CLCA2: variants seen among roughly 807,000 people sequenced by gnomAD.
CLCA2 encodes chloride channel accessory 2.
Under a neutral mutation model 82.9 loss-of-function variants are expected in CLCA2, and 85 were observed. The ratio of observed to expected loss-of-function variants is 1.03; its 90% confidence interval spans 0.86 to 1.23. The LOEUF is 1.23. Ranked by LOEUF, CLCA2 falls within the 50% of genes most tolerant of loss-of-function variation. The pLI is 0.00. For synonymous variants in CLCA2, 421 were observed against 391.7 expected (o/e 1.07, Z -0.88); for missense variants, 1,089 against 1,124.8 (o/e 0.97, Z 0.45).
intron 8 of CLCA2, among the ~76,000 whole-genome samples, chr1:86,440,769 C>T (rs961606449): frequency 2.6e-5 from 4 of 151,984 alleles, no homozygotes; most frequent in Admixed American, 1.3e-4. Flanking sequence ...AGCATGGTGG[C>T]GGGTCCCTAT....
At chr1:86,431,686 T>C (rs1662501081) in intron 4 of CLCA2, among the ~76,000 whole-genome samples, 1 of 152,208 alleles carries the variant, frequency 6.6e-6, no homozygotes, top group Non-Finnish European at 1.5e-5. Flanking sequence ...TTTCCCCTGA[T>C]ACCAAGTGGA....
Position 86,450,696 on chromosome 1 carries a change from G to A in CLCA2, c.2118G>A (p.Gly706=), listed in dbSNP as rs1278550724. Residue 706 remains glycine (G), a synonymous_variant, in exon 12 of 14, where the codon GGG becomes GGA. Transcript: ENST00000370565. ...GCACCCCAGCCCACTCTATTCCAGG[G>A]AGTCATGCTATGTATGTACCAGGTT... ...SISTPAHSIP[G]SHAMYVPGYT... 1 of 1,612,474 alleles carries A rather than the reference G, an allele frequency of 6.2e-7. No homozygotes were observed. The highest frequency in any genetic ancestry group is 8.5e-7 in the Non-Finnish European group (1 of 1,179,088).
At position 86,434,586 on chromosome 1, in the gene CLCA2, C is replaced by T; in HGVS notation, c.813C>T (p.Ser271=). The change falls in exon 6 of 14, where the codon AGC becomes AGT. Residue 271 remains serine, a synonymous_variant. Coordinates refer to ENST00000370565, the MANE Select transcript of CLCA2 (RefSeq NM_006536.7). The part of the protein sequence containing the change: ...EAPNLQNQMC[S]LRSAWDVITD... ...CAAACCTACAGAACCAGATGTGCAG[C>T]CTCAGAAGTGCATGGGATGTAATCA... The T allele has an allele frequency of 1.2e-6, 2 of 1,614,054 alleles. No individual in the cohort carries two copies. The highest frequency in any genetic ancestry group is 1.7e-6 in the Non-Finnish European group (2 of 1,179,994).
intron 12 of CLCA2, 23 bp from the exon 13 acceptor site, chr1:86,453,346 T>A (rs1558121130): frequency 1.3e-6 from 2 of 1,548,142 alleles, no homozygotes; most frequent in African/African-American, 1.4e-5. Flanking sequence ...TCATTTTGCC[T>A]TTTTTTTTCT....
In CLCA2 at chr1:86,428,574, T is replaced by A. The variant is rs1381103601; in HGVS notation, c.475+6T>A. 1 of 1,612,046 alleles carries A rather than the reference T, an allele frequency of 6.2e-7. No homozygotes were observed. The highest frequency in any genetic ancestry group is 8.5e-7 in the Non-Finnish European group (1 of 1,178,974). On this transcript the variant is annotated splice_donor_region_variant and intron_variant, in intron 3 of 13. Transcript: ENST00000370565. ...AGCTGGCTACGGATCACGAGGTAAGTGGGACCAATAAAACAATAGCCATTG... is the reference window on the plus strand; with the variant it reads ...AGCTGGCTACGGATCACGAGGTAAGAGGGACCAATAAAACAATAGCCATTG...
In CLCA2 at chr1:86,443,862, A is replaced by C. The variant is rs767698625; in HGVS notation, c.1564A>C (p.Asn522His). 3.1e-6 allele frequency: 5 copies of C among 1,614,112 alleles called. No homozygotes were observed. Among genetic ancestry groups the C allele is most frequent in the Non-Finnish European group, 4.2e-6 (5 of 1,179,960 alleles). The change falls in exon 10 of 14, where the codon AAC becomes CAC. Residue 522 changes from asparagine (N) to histidine (H), a missense_variant. Coordinates refer to ENST00000370565, the MANE Select transcript of CLCA2 (RefSeq NM_006536.7). ...AGTGACTGTGGATAATACTGTGGGC[A>C]ACGACACTATGTTTCTAGTTACGTG... Reference protein sequence around the residue: ...NTVTVDNTVGNDTMFLVTWQA... With the variant: ...NTVTVDNTVGHDTMFLVTWQA...
In CLCA2 at chr1:86,424,198, C is replaced by T; in HGVS notation, c.-50C>T. On this transcript the variant is annotated 5_prime_UTR_variant, in exon 1 of 14. Transcript: ENST00000370565. ...CTGCATCCATATTGAAAACCTGACA[C>T]AATGTATGCAGCAGGCTCAGTGTGA... 1 of 1,529,210 alleles carries T rather than the reference C, an allele frequency of 6.5e-7. No individual in the cohort carries two copies. Among genetic ancestry groups the T allele is most frequent in the Non-Finnish European group, 8.8e-7 (1 of 1,132,196 alleles). 94.7% of individuals were successfully genotyped at this position (1,529,210 alleles called of 1,614,324 possible). A position where few individuals can be genotyped will look rare whatever the true frequency, so the allele number is the denominator to read the frequency against.
At chr1:86,449,664 ACT>A (rs1464552199) in intron 11 of CLCA2, among the ~76,000 whole-genome samples, 2 of 152,196 alleles carry the variant, frequency 1.3e-5, no homozygotes, top group Non-Finnish European at 2.9e-5. Context: ...TTCTGGGGAC[ACT>A]TTAGCAATGA....
Position 86,446,397 on chromosome 1 carries a change from A to G in CLCA2, c.1714-1111A>G, listed in dbSNP as rs76195671. 1.1e-4 allele frequency among the ~76,000 whole-genome samples: 16 copies of G among 152,128 alleles called. No individual in the cohort carries two copies. The East Asian group carries it at 3.1e-3, about 29-fold the overall frequency. The stretch of plus-strand genomic sequence containing the variant: ...CATCATGTTCTTTTCACACCTGTGT[A>G]TAAGGGCCAGGGACACTTTACCTAC... On this transcript the variant is annotated intron_variant, in intron 10 of 13. Transcript: ENST00000370565.
chr1:86,451,434 T>A (rs1339745311), intron 12 of CLCA2, among the ~76,000 whole-genome samples: 1 of 152,192 alleles, frequency 6.6e-6, no homozygotes, highest in East Asian at 1.9e-4. Flanking sequence ...AAGTTATAAC[T>A]AATCATTTGG....
intron 7 of CLCA2, 104 bp downstream of exon 7, chr1:86,439,210 T>C: frequency 1.0e-6 from 1 of 966,992 alleles, no homozygotes. Context: ...AGGGTGGTCA[T>C]AACAGCCTCA....
Position 86,432,538 on chromosome 1 carries a change from C to A in CLCA2, c.744+10C>A, listed in dbSNP as rs1558104587. The A allele has an allele frequency of 6.2e-7, 1 of 1,611,434 alleles. No individual in the cohort carries two copies. Among genetic ancestry groups the A allele is most frequent in the East Asian group, 2.2e-5 (1 of 44,816 alleles). ...GCAAAGTTTATCTTCTGTAAGTATG[C>A]CCTTGGAATGACACACTCTTGCAGG... On this transcript the variant is annotated intron_variant, in intron 5 of 13. Transcript: ENST00000370565.
At chr1:86,435,484 A>T (rs777273044) in intron 6 of CLCA2, among the ~76,000 whole-genome samples, 17 of 152,208 alleles carry the variant, frequency 1.1e-4, no homozygotes, top group Non-Finnish European at 1.9e-4. Flanking sequence ...TGTACAGAAG[A>T]CCATATCTCA....
chr1:86,455,550 T>C lies in CLCA2; in HGVS notation c.*23T>C, dbSNP rs1663060537. 1 of 1,421,006 alleles carries C rather than the reference T, an allele frequency of 7.0e-7. No homozygotes were observed. Among genetic ancestry groups the C allele is most frequent in the East Asian group, 2.5e-5 (1 of 40,712 alleles). The allele number at this position is 1,421,006 out of a possible 1,614,324, so 88.0% of individuals were successfully genotyped here. On this transcript the variant is annotated 3_prime_UTR_variant, in exon 14 of 14. Coordinates refer to ENST00000370565, the MANE Select transcript of CLCA2 (RefSeq NM_006536.7). ...TAAATAAATATCCAAAGTGTCTTCC[T>C]TCTTAGATATAAGACCCATGGCCTT...
At chr1:86,438,203 T>C (rs761575385) in intron 6 of CLCA2, among the ~76,000 whole-genome samples, 13 of 152,176 alleles carry the variant, frequency 8.5e-5, no homozygotes, top group African/African-American at 1.2e-4. Flanking sequence ...AGCTTGCTGC[T>C]CCTCTCTTTT....
chr1:86,438,762 A>G, intron 6 of CLCA2, 114 bp from the exon 7 acceptor site: 1 of 834,496 alleles, frequency 1.2e-6, no homozygotes, highest in Non-Finnish European at 1.9e-6. Flanking sequence ...TCAAAAAATT[A>G]TGATCCAACA....
chr1:86,454,088 C>T (rs549171073), intron 13 of CLCA2, among the ~76,000 whole-genome samples: 203 of 152,298 alleles, frequency 1.3e-3, no homozygotes, highest in Middle Eastern at 3.4e-3. Context: ...CTTTCTTATT[C>T]TCGCTTGGGT....
intron 3 of CLCA2, among the ~76,000 whole-genome samples, chr1:86,429,896 G>A (rs1229532571): frequency 6.6e-6 from 1 of 151,866 alleles, no homozygotes; most frequent in Middle Eastern, 3.2e-3. Context: ...TTCTTTCCTG[G>A]TAACCTTGAG....
At chr1:86,451,457 C>A (rs1570268231) in intron 12 of CLCA2, among the ~76,000 whole-genome samples, 1 of 152,090 alleles carries the variant, frequency 6.6e-6, no homozygotes, top group Non-Finnish European at 1.5e-5. Context: ...TATTCCACAC[C>A]ATGATTCTAT....
Sources: gnomAD v4.1 joint callset for allele counts (sites outside exome capture counted in the v4.1 genomes callset) on GRCh38, gnomAD v4.1.1 for gene constraint, MANE v1.5 for transcripts, NCBI Gene and HGNC (gene_info 2026-07-23, HGNC 2026-07-21) for gene names.